Variants in FOXJ2 observed in about 807,000 individuals in gnomAD.
FOXJ2 encodes the protein forkhead box J2.
In FOXJ2, 18 loss-of-function variants were observed where a neutral mutation model predicts 68.4. That is an observed-to-expected ratio of 0.26 (90% CI 0.18 to 0.39). The LOEUF (loss-of-function observed/expected upper bound fraction) is 0.39, where lower values mean the gene tolerates loss of function less well. Among genes scored for constraint, FOXJ2 ranks in the 10% least tolerant of loss-of-function variants. FOXJ2 has a pLI of 1.00. For missense variants in FOXJ2, 670 were observed against 726.5 expected (o/e 0.92, Z 0.89); for synonymous variants, 274 against 263.2 (o/e 1.04, Z -0.40).
At chr12:8,051,815 A>G (rs1014038137) in intron 10 of FOXJ2, among the ~76,000 whole-genome samples, 6 of 152,200 alleles carry the variant, frequency 3.9e-5, no homozygotes, top group African/African-American at 1.4e-4. Flanking sequence ...TTCTTTGTCC[A>G]TATAATATAA....
intron 9 of FOXJ2, chr12:8,050,110 A>G: frequency 5.5e-6 from 1 of 183,176 alleles, no homozygotes; most frequent in South Asian, 1.3e-4. Flanking sequence ...AGCTGGGACT[A>G]CAGGTGTGTA....
intron 10 of FOXJ2, among the ~76,000 whole-genome samples, chr12:8,050,855 T>TC (rs1352249033): frequency 1.1e-3 from 65 of 59,068 alleles, no homozygotes; most frequent in African/African-American, 4.0e-3. Flanking sequence ...CCCTTCCCCT[T>TC]CCCTTCCCTT....
chr12:8,048,175 C>G lies in FOXJ2; in HGVS notation c.1111C>G (p.Gln371Glu). Reference protein sequence around the residue: ...PVMAMHPPPLQHGGYHPHQHH... With the variant: ...PVMAMHPPPLEHGGYHPHQHH... ...AATGGCCATGCATCCACCCCCGCTG[C>G]AGCATGGAGGCTACCACCCTCATCA... The change falls in exon 7 of 11, where the codon CAG becomes GAG. Residue 371 changes from glutamine to glutamate, a missense_variant. Around this residue, in one of 2 missense-constraint regions of FOXJ2, gnomAD observed 555 missense variants for 562.2 expected, o/e 0.99. Coordinates refer to ENST00000162391, the MANE Select transcript of FOXJ2 (RefSeq NM_018416.3). The G allele has an allele frequency of 1.2e-6, 2 of 1,613,956 alleles. No individual in the cohort carries two copies. Among genetic ancestry groups the G allele is most frequent in the Non-Finnish European group, 1.7e-6 (2 of 1,179,926 alleles).
rs1016184904 is a variant in FOXJ2 at position 8,053,903 on chromosome 12, A to G, written c.*1053A>G. ...CTTCCCTCATTTTCTGGGATTCTCA[A>G]GAAAGAAAAAGTAACCCATTATCAC... is the stretch of plus-strand genomic sequence containing the variant. On this transcript the variant is annotated 3_prime_UTR_variant, in exon 11 of 11. Transcript: ENST00000162391. The surrounding 1 kb of genome is among the most constrained non-coding windows in gnomAD (Gnocchi z 4.1). The G allele has an allele frequency of 2.0e-5, 3 of 152,124 alleles. No individual in the cohort carries two copies. Among genetic ancestry groups the G allele is most frequent in the Non-Finnish European group, 4.4e-5 (3 of 68,042 alleles). The allele number at this position is 152,124 out of a possible 1,614,324, so 9.4% of individuals were successfully genotyped here.
chr12:8,048,092 G>T lies in FOXJ2; in HGVS notation c.1028G>T (p.Gly343Val), dbSNP rs1234432249. The T allele has an allele frequency of 3.7e-6, 6 of 1,612,400 alleles. No homozygotes were observed. The highest frequency in any genetic ancestry group is 5.1e-6 in the Non-Finnish European group (6 of 1,178,984). ...CCACTGCACACCCCAAGCACAGATG[G>T]TTGTACCCCACCAGGGGGAAAGCAA... is the stretch of plus-strand genomic sequence containing the variant. ...APPLHTPSTD[G>V]CTPPGGKQAG... Residue 343 changes from glycine to valine, a missense_variant, in exon 7 of 11, where the codon GGT becomes GTT. Physicochemically the swap from Gly to Val is moderately radical, Grantham distance 109 (BLOSUM62 -3). Around this residue, in one of 2 missense-constraint regions of FOXJ2, gnomAD observed 555 missense variants for 562.2 expected, o/e 0.99. Transcript: ENST00000162391.
intron 6 of FOXJ2, among the ~76,000 whole-genome samples, chr12:8,045,648 G>T (rs757073975): frequency 6.6e-6 from 1 of 150,920 alleles, no homozygotes; most frequent in African/African-American, 2.4e-5. Context: ...CACCGTGCCC[G>T]GCCATATTTC....
At chr12:8,051,766 C>G (rs911885643) in intron 10 of FOXJ2, among the ~76,000 whole-genome samples, 1 of 152,132 alleles carries the variant, frequency 6.6e-6, no homozygotes, top group Non-Finnish European at 1.5e-5. Flanking sequence ...CCTAACCACA[C>G]GTGTTTTCAA....
At position 8,044,931 on chromosome 12, in the gene FOXJ2, G is replaced by A; in HGVS notation, c.790G>A (p.Glu264Lys). ...CCGCAACCTCTATAAGTCCATGCTG[G>A]AGAAGTCCTCTTCCTCCTCTCAGCA... is the stretch of plus-strand genomic sequence containing the variant. ...SFRNLYKSML[E>K]KSSSSSQHGF... Residue 264 changes from glutamate to lysine, a missense_variant, in exon 6 of 11, where the codon GAG (glutamate) becomes AAG (lysine). Around this residue, in one of 2 missense-constraint regions of FOXJ2, gnomAD observed 555 missense variants for 562.2 expected, o/e 0.99. Coordinates refer to ENST00000162391, the MANE Select transcript of FOXJ2 (RefSeq NM_018416.3). 6.2e-7 allele frequency: 1 copy of A among 1,614,218 alleles called. No individual in the cohort carries two copies. The highest frequency in any genetic ancestry group is 8.5e-7 in the Non-Finnish European group (1 of 1,180,030).
chr12:8,045,518 AGTTT>A (rs1453999975), intron 6 of FOXJ2, among the ~76,000 whole-genome samples: 2 of 151,600 alleles, frequency 1.3e-5, no homozygotes, highest in Non-Finnish European at 2.9e-5. Flanking sequence ...GCCTGGCTTA[AGTTT>A]TGTATTTTTA....
At chr12:8,039,364 T>C (rs2121324604) in intron 1 of FOXJ2, among the ~76,000 whole-genome samples, 1 of 152,332 alleles carries the variant, frequency 6.6e-6, no homozygotes, top group South Asian at 2.1e-4. Flanking sequence ...GGTAGACTTT[T>C]GCTTTATATG....
At chr12:8,037,095 GACAAA>G (rs776803129) in intron 1 of FOXJ2, among the ~76,000 whole-genome samples, 41 of 152,126 alleles carry the variant, frequency 2.7e-4, no homozygotes, top group Admixed American at 2.5e-3. Flanking sequence ...TCTCCAAAAA[GACAAA>G]ACAAAACAAA....
chr12:8,052,152 G>A (rs1947133933), intron 10 of FOXJ2, among the ~76,000 whole-genome samples: 1 of 151,948 alleles, frequency 6.6e-6, no homozygotes, highest in Admixed American at 6.6e-5. Flanking sequence ...ATAGGCATGA[G>A]CCACCACGCC....
At chr12:8,042,814 T>A in intron 3 of FOXJ2, 82 bp downstream of exon 3, 1 of 1,129,570 alleles carries the variant, frequency 8.9e-7, no homozygotes, top group Non-Finnish European at 1.3e-6. Context: ...GTGGCTGTTT[T>A]AATTACCCAG....
At chr12:8,050,195 C>A in intron 9 of FOXJ2, 1 of 386,738 alleles carries the variant, frequency 2.6e-6, no homozygotes, top group Non-Finnish European at 3.9e-6. Flanking sequence ...AGGCTATCTT[C>A]AAACTCTTGG....
In FOXJ2 at chr12:8,042,726, T is replaced by C; in HGVS notation, c.402T>C (p.Pro134=). ...FRKVPRPRDD[P]GKGSYWTIDT... ...AGGTGCCCAGACCTCGGGATGACCC[T>C]GGGAAGGTAAGATACTACTGTAAGC... is the stretch of plus-strand genomic sequence containing the variant. The change falls in exon 3 of 11, where the codon CCT becomes CCC. Residue 134 remains proline (P), a synonymous_variant. Transcript: ENST00000162391. 1 of 1,613,502 alleles carries C rather than the reference T, an allele frequency of 6.2e-7. No homozygotes were observed. Among genetic ancestry groups the C allele is most frequent in the Non-Finnish European group, 8.5e-7 (1 of 1,179,456 alleles).
In FOXJ2 at chr12:8,044,824, G is replaced by T. The variant is rs1054422339; in HGVS notation, c.683G>T (p.Gly228Val). The change falls in exon 6 of 11, where the codon GGT becomes GTT. Residue 228 changes from glycine (G) to valine (V), a missense_variant. This residue lies in a region of FOXJ2 where 555 missense variants were observed against 562.2 expected (regional missense o/e 0.99). Coordinates refer to ENST00000162391, the MANE Select transcript of FOXJ2 (RefSeq NM_018416.3). ...GCTTCAGGCCGAGAAAGTGCTGAGG[G>T]TCCCCCTCCCCTCTATAACACCAAC... ...AGASGRESAE[G>V]PPPLYNTNHD... is the part of the protein sequence containing the mutation. The T allele has an allele frequency of 6.2e-7, 1 of 1,613,944 alleles. No individual in the cohort carries two copies. Among genetic ancestry groups the T allele is most frequent in the Admixed American group, 1.7e-5 (1 of 60,020 alleles).
Position 8,047,984 on chromosome 12 carries a change from C to T in FOXJ2, c.920C>T (p.Pro307Leu), listed in dbSNP as rs541007096. 75 of 1,612,630 alleles carry T rather than the reference C, an allele frequency of 4.7e-5. 1 individual carries two copies. Among genetic ancestry groups the T allele is most frequent in the South Asian group, 5.5e-5 (5 of 91,010 alleles). Reference protein sequence around the residue: ...PPQQQQQQQQPPQPPPQQSQP... With the variant: ...PPQQQQQQQQLPQPPPQQSQP... Reference sequence around the variant, plus strand: ...CAACAGCAGCAGCAGCAGCAGCAGCCGCCACAGCCACCTCCCCAGCAGTCC... The same window carrying T: ...CAACAGCAGCAGCAGCAGCAGCAGCTGCCACAGCCACCTCCCCAGCAGTCC... The change falls in exon 7 of 11, where the codon CCG becomes CTG. Residue 307 changes from proline (P) to leucine (L), a missense_variant. Coordinates refer to ENST00000162391, the MANE Select transcript of FOXJ2 (RefSeq NM_018416.3).
At chr12:8,052,493 C>T (rs183789515) in intron 10 of FOXJ2, among the ~76,000 whole-genome samples, 109 of 152,324 alleles carry the variant, frequency 7.2e-4, no homozygotes, top group African/African-American at 2.4e-3. Flanking sequence ...GCTGGGATAA[C>T]AAGTGTGAGC....
In FOXJ2 at chr12:8,043,741, G is replaced by A. The variant is rs767225588; in HGVS notation, c.449G>A (p.Arg150Gln). 5.0e-6 allele frequency: 8 copies of A among 1,614,016 alleles called. No individual in the cohort carries two copies. Among genetic ancestry groups the A allele is most frequent in the Middle Eastern group, 1.6e-4 (1 of 6,084 alleles). ...WTIDTCPDISRKRRHPPDDDL... is the reference protein window; with the variant it reads ...WTIDTCPDISQKRRHPPDDDL... ...ATTGACACCTGCCCTGACATTTCCC[G>A]AAAGAGAAGACACCCTCCAGATGAT... The change falls in exon 4 of 11, where the codon CGA becomes CAA. Residue 150 changes from arginine (R) to glutamine (Q), a missense_variant. Arg to Gln is a conservative substitution (Grantham distance 43, BLOSUM62 1). This residue lies in a region of FOXJ2 where 555 missense variants were observed against 562.2 expected (regional missense o/e 0.99). Coordinates refer to ENST00000162391, the MANE Select transcript of FOXJ2 (RefSeq NM_018416.3).
Sources: allele counts gnomAD v4.1 joint callset (sites outside exome capture counted in the v4.1 genomes callset), GRCh38; gene constraint gnomAD v4.1.1; regional missense constraint gnomAD v4.1.1; non-coding constraint Gnocchi (gnomAD v3.1); transcripts MANE v1.5; gene names NCBI Gene and HGNC (gene_info 2026-07-23, HGNC 2026-07-21).